Variants in HS1BP3 observed in about 807,000 individuals in gnomAD.
HS1BP3 encodes HCLS1-binding protein 3.
In HS1BP3, 32 loss-of-function variants were observed where a neutral mutation model predicts 33.5. That is an observed-to-expected ratio of 0.95 (90% CI 0.72 to 1.28). The LOEUF is 1.28. Ranked by LOEUF, HS1BP3 falls within the 50% of genes most tolerant of loss-of-function variation. The probability of loss-of-function intolerance (pLI) is 0.00; values close to 1 mark genes in which losing one functional copy is unlikely to be tolerated. For missense variants in HS1BP3, 486 were observed against 502.3 expected (o/e 0.97, Z 0.31); for synonymous variants, 187 against 209.2 (o/e 0.89, Z 0.92).
At chr2:20,639,483 A>T (rs541521103) in intron 3 of HS1BP3, among the ~76,000 whole-genome samples, 2 of 152,224 alleles carry the variant, frequency 1.3e-5, no homozygotes, top group African/African-American at 4.8e-5. Context: ...CCAAGTGCTT[A>T]CTGGGTAGTT....
chr2:20,625,002 GGGCCAGAAAAGACCA>G (rs1694734216), intron 4 of HS1BP3, 110 bp from the exon 5 acceptor site: 1 of 1,340,428 alleles, frequency 7.5e-7, no homozygotes, highest in Non-Finnish European at 1.1e-6. Flanking sequence ...TGGATGCCAT[GGGCCAGAAAAGACCA>G]GGCCAGAGGG....
intron 5 of HS1BP3, among the ~76,000 whole-genome samples, chr2:20,572,273 A>G (rs1420814076): frequency 6.6e-6 from 1 of 152,172 alleles, no homozygotes; most frequent in Non-Finnish European, 1.5e-5. Flanking sequence ...CAGAACACCA[A>G]GATTTCTAGG....
chr2:20,583,267 C>T (rs1289118463), intron 5 of HS1BP3, among the ~76,000 whole-genome samples: 2 of 152,238 alleles, frequency 1.3e-5, no homozygotes, highest in African/African-American at 4.8e-5. Context: ...GGCTAACTCA[C>T]ATAGAAAAGG....
chr2:20,573,062 A>C (rs1343541164), intron 5 of HS1BP3, among the ~76,000 whole-genome samples: 4 of 152,174 alleles, frequency 2.6e-5, no homozygotes, highest in African/African-American at 9.7e-5. Flanking sequence ...TGTAAATGTC[A>C]CTGTAGTGGG....
rs576991501 is a variant in HS1BP3, at chr2:20,637,900, G to C, written c.623+536C>G. On this transcript the variant is annotated intron_variant, in intron 4 of 6. Transcript: ENST00000304031. Reference sequence around the variant, plus strand: ...CATAACTCAGTTCATCGTCACAGGAGCCCTAAGAGGTTGATACGACCATGA... The same window carrying C: ...CATAACTCAGTTCATCGTCACAGGACCCCTAAGAGGTTGATACGACCATGA... The C allele has an allele frequency of 1.4e-3, 228 of 161,504 alleles. 7 individuals are homozygous for C. In the South Asian group the frequency reaches 0.042, roughly 30 times the overall value. 10.0% of individuals were successfully genotyped at this position (161,504 alleles called of 1,614,324 possible). A position where few individuals can be genotyped will look rare whatever the true frequency, so the allele number is the denominator to read the frequency against.
chr2:20,607,712 A>C (rs966750462), intron 2 of HS1BP3, among the ~76,000 whole-genome samples: 6 of 152,206 alleles, frequency 3.9e-5, no homozygotes, highest in Non-Finnish European at 8.8e-5. Context: ...CTTCTTTTTG[A>C]AGATTGCTTT....
chr2:20,613,056 G>A (rs572056244), downstream of HS1BP3, among the ~76,000 whole-genome samples: 4 of 152,152 alleles, frequency 2.6e-5, no homozygotes, highest in South Asian at 2.1e-4. Context: ...GGATGGGGGG[G>A]ACTGAGTCAA....
At chr2:20,571,356 G>C (rs893131464) in intron 5 of HS1BP3, among the ~76,000 whole-genome samples, 31 of 152,182 alleles carry the variant, frequency 2.0e-4, no homozygotes, top group African/African-American at 7.5e-4. Flanking sequence ...AGCACAGCCT[G>C]AGCCCCGGGG....
At chr2:20,635,333 G>A (rs1695091230) in intron 4 of HS1BP3, 1 of 152,238 alleles carries the variant, frequency 6.6e-6, no homozygotes, top group Non-Finnish European at 1.5e-5. Context: ...AACCAGCAGA[G>A]GAAGGAGGGA....
chr2:20,555,794 A>C (rs1156401810), downstream of HS1BP3, among the ~76,000 whole-genome samples: 2 of 151,980 alleles, frequency 1.3e-5, no homozygotes, highest in Non-Finnish European at 2.9e-5. Context: ...GTGAACACTG[A>C]CCTTGGTATA....
At chr2:20,622,173 C>T (rs537447317) in intron 6 of HS1BP3, 1 of 1,285,996 alleles carries the variant, frequency 7.8e-7, no homozygotes, top group East Asian at 5.6e-5. Flanking sequence ...GGGGTGAAAG[C>T]ATGAATGAAT....
At chr2:20,584,308 G>T (rs545737319) in intron 5 of HS1BP3, among the ~76,000 whole-genome samples, 1 of 152,336 alleles carries the variant, frequency 6.6e-6, no homozygotes, top group South Asian at 2.1e-4. Flanking sequence ...ATATCTAGAG[G>T]CATCTCTTCC....
At chr2:20,556,987 G>A (rs1186142397), downstream of HS1BP3, among the ~76,000 whole-genome samples, 2 of 152,168 alleles carry the variant, frequency 1.3e-5, no homozygotes, top group African/African-American at 4.8e-5. Context: ...TCCACTGTTC[G>A]TTCTACCCCA....
chr2:20,612,345 C>T (rs773277883), intron 2 of HS1BP3, among the ~76,000 whole-genome samples: 13 of 152,198 alleles, frequency 8.5e-5, no homozygotes. Context: ...ATACCGTAAA[C>T]ATCACCCATT....
At chr2:20,582,139 C>T (rs911824345) in intron 5 of HS1BP3, among the ~76,000 whole-genome samples, 1 of 152,222 alleles carries the variant, frequency 6.6e-6, no homozygotes, top group Non-Finnish European at 1.5e-5. Context: ...TGCCCCCACA[C>T]CAAGGAGAGG....
downstream of HS1BP3, among the ~76,000 whole-genome samples, chr2:20,614,603 G>A (rs1386941328): frequency 6.6e-6 from 1 of 152,206 alleles, no homozygotes; most frequent in Admixed American, 6.5e-5. Context: ...TACTGCACAC[G>A]GTAGGTGCCC....
chr2:20,631,870 C>A (rs576607380), intron 4 of HS1BP3, among the ~76,000 whole-genome samples: 233 of 152,310 alleles, frequency 1.5e-3, no homozygotes, highest in Non-Finnish European at 1.9e-3. Flanking sequence ...CCTGAATACA[C>A]AAAGGGACAA....
chr2:20,561,860 C>T (rs1359917344), intron 5 of HS1BP3, among the ~76,000 whole-genome samples: 1 of 152,100 alleles, frequency 6.6e-6, no homozygotes, highest in Non-Finnish European at 1.5e-5. Flanking sequence ...AGGATGAGGG[C>T]TGATTACCAG....
intron 4 of HS1BP3, chr2:20,637,734 C>CT (rs1437322117): frequency 6.6e-6 from 1 of 152,526 alleles, no homozygotes; most frequent in East Asian, 1.9e-4. Flanking sequence ...GCGGCAGGAC[C>CT]TACACTCATC....
Sources: gnomAD v4.1 joint callset for allele counts (sites outside exome capture counted in the v4.1 genomes callset) on GRCh38, gnomAD v4.1.1 for gene constraint, MANE v1.5 for transcripts, NCBI Gene and HGNC (gene_info 2026-07-23, HGNC 2026-07-21) for gene names.